Variants in CNOT10 observed in about 807,000 individuals in gnomAD.
The protein encoded by CNOT10 is CCR4-NOT transcription complex subunit 10.
CNOT10 carries 30 observed loss-of-function variants against 94.6 expected under a neutral mutation model. The ratio of observed to expected loss-of-function variants is 0.32; its 90% CI spans 0.24 to 0.43. CNOT10 has a LOEUF of 0.43. Ranked by LOEUF, CNOT10 falls within the 20% of genes least tolerant of loss-of-function variation. The pLI, the probability that CNOT10 is intolerant of heterozygous loss-of-function variation, is 1.00. For synonymous variants in CNOT10, 289 were observed against 301.6 expected (o/e 0.96, Z 0.43); for missense variants, 759 against 877.2 (o/e 0.87, Z 1.70).
At chr3:32,728,610 C>G (rs1698791706) in intron 10 of CNOT10, among the ~76,000 whole-genome samples, 1 of 151,704 alleles carries the variant, frequency 6.6e-6, no homozygotes. Flanking sequence ...GAGACCCTGT[C>G]TCAAAAAAAA....
chr3:32,708,504 A>T (rs1486960508), intron 3 of CNOT10, among the ~76,000 whole-genome samples, 166 bp from the exon 4 acceptor site: 1 of 152,238 alleles, frequency 6.6e-6, no homozygotes, highest in Non-Finnish European at 1.5e-5. Flanking sequence ...AATGAAAATA[A>T]TTTTTAGTAT....
chr3:32,749,148 A>T (rs1157098415), intron 13 of CNOT10, among the ~76,000 whole-genome samples: 1 of 152,176 alleles, frequency 6.6e-6, no homozygotes, highest in African/African-American at 2.4e-5. Flanking sequence ...TCCTAGATAC[A>T]ACTATCAGAT....
chr3:32,738,488 A>G (rs1013321548), intron 13 of CNOT10, among the ~76,000 whole-genome samples: 8 of 142,960 alleles, frequency 5.6e-5, no homozygotes, highest in African/African-American at 2.1e-4. Context: ...TTTGAGATGG[A>G]TTCTCGCTCT....
At chr3:32,706,910 T>G (rs1209747213) in intron 3 of CNOT10, among the ~76,000 whole-genome samples, 3 of 152,240 alleles carry the variant, frequency 2.0e-5, no homozygotes, top group Non-Finnish European at 4.4e-5. Context: ...TGCTAACATT[T>G]GAACCATGTC....
intron 10 of CNOT10, among the ~76,000 whole-genome samples, chr3:32,732,467 T>TC (rs1431879604): frequency 6.6e-6 from 1 of 151,920 alleles, no homozygotes; most frequent in Non-Finnish European, 1.5e-5. Context: ...GTACCTGTAG[T>TC]CCCAGCTACT....
intron 13 of CNOT10, among the ~76,000 whole-genome samples, chr3:32,758,540 A>C (rs1300288422): frequency 6.6e-6 from 1 of 152,228 alleles, no homozygotes; most frequent in Non-Finnish European, 1.5e-5. Flanking sequence ...GACTAAAATT[A>C]CAACCTGAAT....
intron 8 of CNOT10, among the ~76,000 whole-genome samples, 155 bp from the exon 9 acceptor site, chr3:32,725,295 G>C (rs1191468405): frequency 1.3e-5 from 2 of 152,118 alleles, no homozygotes; most frequent in Non-Finnish European, 2.9e-5. Context: ...AAATTTTTCA[G>C]ATATTTCCTA....
chr3:32,718,445 G>A (rs1299215441), intron 7 of CNOT10, among the ~76,000 whole-genome samples: 6 of 150,742 alleles, frequency 4.0e-5, no homozygotes, highest in African/African-American at 1.5e-4. Flanking sequence ...TGAGCCGGGC[G>A]TGGTGGCGGG....
At chr3:32,746,256 T>G (rs1269936271) in intron 13 of CNOT10, among the ~76,000 whole-genome samples, 1 of 152,192 alleles carries the variant, frequency 6.6e-6, no homozygotes, top group Non-Finnish European at 1.5e-5. Context: ...ACCAGGATCA[T>G]GGTAGACTAT....
intron 10 of CNOT10, among the ~76,000 whole-genome samples, chr3:32,728,552 G>A (rs1274299088): frequency 6.6e-6 from 1 of 151,992 alleles, no homozygotes; most frequent in Non-Finnish European, 1.5e-5. Flanking sequence ...GGTGGAGGTT[G>A]GAGTGAGACC....
At chr3:32,686,383 A>G (rs1031017746) in intron 1 of CNOT10, among the ~76,000 whole-genome samples, 1 of 152,198 alleles carries the variant, frequency 6.6e-6, no homozygotes, top group Non-Finnish European at 1.5e-5. Context: ...TGTGCTGTGG[A>G]TTTTAGTAGG....
chr3:32,713,450 A>G, intron 5 of CNOT10, 81 bp downstream of exon 5: 2 of 1,115,874 alleles, frequency 1.8e-6, no homozygotes, highest in Non-Finnish European at 2.6e-6. Flanking sequence ...ATTAAAAAGA[A>G]AGCAATTAAA....
chr3:32,771,636 A>C (rs554298210), intron 18 of CNOT10, among the ~76,000 whole-genome samples: 21 of 152,154 alleles, frequency 1.4e-4, no homozygotes, highest in South Asian at 6.2e-4. Context: ...ATCTATCTAG[A>C]TAGATAGATA....
chr3:32,767,252 C>T (rs1700681902), intron 17 of CNOT10, among the ~76,000 whole-genome samples: 1 of 152,174 alleles, frequency 6.6e-6, no homozygotes, highest in Admixed American at 6.6e-5. Context: ...GGCGCAGTGG[C>T]TCACACCTGT....
intron 13 of CNOT10, among the ~76,000 whole-genome samples, chr3:32,745,085 G>A (rs189098350): frequency 1.9e-4 from 29 of 152,030 alleles, no homozygotes; most frequent in African/African-American, 5.1e-4. Context: ...CACCATGTTG[G>A]CCAGGCTGGT....
Position 32,713,304 on chromosome 3 carries a change from C to T in CNOT10, c.508C>T (p.His170Tyr), listed in dbSNP as rs757203542. ...ILTYQAEKAL[H>Y]LLAVLEKMIS... Reference sequence around the variant, plus strand: ...AACCTACCAAGCTGAGAAAGCTTTGCATCTTCTTGCTGTCCTAGAAAAAAT... The same window carrying T: ...AACCTACCAAGCTGAGAAAGCTTTGTATCTTCTTGCTGTCCTAGAAAAAAT... The change falls in exon 5 of 19, where the codon CAT becomes TAT. Residue 170 changes from histidine to tyrosine, a missense_variant. Around this residue, in one of 3 missense-constraint regions of CNOT10, gnomAD observed 682 missense variants for 799.4 expected, o/e 0.85. Coordinates refer to ENST00000328834, the MANE Select transcript of CNOT10 (RefSeq NM_015442.3). 6.2e-7 allele frequency: 1 copy of T among 1,601,722 alleles called. No homozygotes were observed. The highest frequency in any genetic ancestry group is 2.2e-5 in the East Asian group (1 of 44,536).
At position 32,759,544 on chromosome 3, in the gene CNOT10, A is replaced by G. The variant is rs1233941767; in HGVS notation, c.1682A>G (p.Gln561Arg). The change falls in exon 14 of 19, where the codon CAG (glutamine) becomes CGG (arginine). Residue 561 changes from glutamine to arginine, a missense_variant. Coordinates refer to ENST00000328834, the MANE Select transcript of CNOT10 (RefSeq NM_015442.3). The stretch of plus-strand genomic sequence containing the variant: ...TTGAATCATGCAGATAAACTTCTTC[A>G]GCAGCCCAAGCTGTCAGGATCTCTT... ...MALNHADKLL[Q>R]QPKLSGSLKF... 3 of 1,613,958 alleles carry G rather than the reference A, an allele frequency of 1.9e-6. No individual in the cohort carries two copies. The highest frequency in any genetic ancestry group is 3.3e-5 in the Admixed American group (2 of 60,000).
intron 10 of CNOT10, among the ~76,000 whole-genome samples, chr3:32,732,803 A>T (rs1366703517): frequency 1.3e-5 from 2 of 152,188 alleles, no homozygotes. Flanking sequence ...CTCTGTAGTG[A>T]GATAATACAT....
intron 3 of CNOT10, among the ~76,000 whole-genome samples, chr3:32,708,002 C>T (rs187033313): frequency 2.5e-4 from 38 of 152,222 alleles, no homozygotes; most frequent in African/African-American, 8.7e-4. Flanking sequence ...TTTCCTCCCT[C>T]AGCCTCCCGA....
Sources: gnomAD v4.1 joint callset for allele counts (sites outside exome capture counted in the v4.1 genomes callset) on GRCh38, gnomAD v4.1.1 for gene constraint, gnomAD v4.1.1 regional missense constraint, MANE v1.5 for transcripts, NCBI Gene and HGNC (gene_info 2026-07-23, HGNC 2026-07-21) for gene names.